The following SPMAP2L variants were observed in gnomAD, a reference collection of about 807,000 sequenced individuals.
SPMAP2L encodes the protein sperm microtubule associated protein 2 like.
the SPMAP2L span, among the ~76,000 whole-genome samples, chr4:56,605,600 C>CTTTTTT: frequency 2.6e-4 from 40 of 152,216 alleles, no homozygotes; most frequent in East Asian, 7.4e-3. Flanking sequence ...CCTAGCCTTG[C>CTTTTTT]TTTTCATGTA....
chr4:56,572,086 A>C, the SPMAP2L span, among the ~76,000 whole-genome samples: 14 of 152,208 alleles, frequency 9.2e-5, no homozygotes, highest in Non-Finnish European at 1.3e-4. Context: ...ATAACAATAA[A>C]AATACATAAA....
the SPMAP2L span, among the ~76,000 whole-genome samples, chr4:56,548,425 A>G: frequency 6.6e-6 from 1 of 152,116 alleles, no homozygotes; most frequent in East Asian, 1.9e-4. Context: ...CCTTTATCAT[A>G]TTTATTGCCA....
At chr4:56,620,379 C>G in the SPMAP2L span, among the ~76,000 whole-genome samples, 8 of 145,332 alleles carry the variant, frequency 5.5e-5, no homozygotes, top group Non-Finnish European at 7.4e-5. Context: ...AACAAAATAG[C>G]CTTCTAGTTT....
At chr4:56,597,632 C>T in the SPMAP2L span, among the ~76,000 whole-genome samples, 3 of 152,054 alleles carry the variant, frequency 2.0e-5, no homozygotes, top group Non-Finnish European at 4.4e-5. Context: ...TGACTTTATT[C>T]TCAGTTTTTT....
At chr4:56,560,812 C>G in the SPMAP2L span, among the ~76,000 whole-genome samples, 1 of 152,136 alleles carries the variant, frequency 6.6e-6, no homozygotes, top group Non-Finnish European at 1.5e-5. Context: ...GTGGCCTGAT[C>G]TCGGCTTACT....
the SPMAP2L span, among the ~76,000 whole-genome samples, chr4:56,607,596 T>G: frequency 6.6e-6 from 1 of 152,240 alleles, no homozygotes; most frequent in Non-Finnish European, 1.5e-5. Context: ...AATGGAGCAT[T>G]AAGGGCGATT....
the SPMAP2L span, among the ~76,000 whole-genome samples, chr4:56,562,089 G>A: frequency 6.6e-6 from 1 of 152,064 alleles, no homozygotes; most frequent in Non-Finnish European, 1.5e-5. Context: ...ATAGCACGGG[G>A]GCAAAGGCAA....
At chr4:56,538,446 A>T in the SPMAP2L span, among the ~76,000 whole-genome samples, 1 of 152,146 alleles carries the variant, frequency 6.6e-6, no homozygotes, top group South Asian at 2.1e-4. Flanking sequence ...CATGCTACCT[A>T]AAGCAGCCTT....
the SPMAP2L span, among the ~76,000 whole-genome samples, chr4:56,562,174 C>T: frequency 1.3e-5 from 2 of 151,906 alleles, no homozygotes; most frequent in Non-Finnish European, 2.9e-5. Flanking sequence ...AAAGTAATAA[C>T]CAAGAAGCCT....
chr4:56,550,685 G>A, the SPMAP2L span, among the ~76,000 whole-genome samples: 7 of 152,076 alleles, frequency 4.6e-5, no homozygotes, highest in African/African-American at 9.7e-5. Flanking sequence ...AAAGTTTTTC[G>A]TTATTGTTAT....
chr4:56,573,311 T>C, the SPMAP2L span, among the ~76,000 whole-genome samples: 1 of 152,220 alleles, frequency 6.6e-6, no homozygotes, highest in African/African-American at 2.4e-5. Context: ...TGTAGAACAC[T>C]TATGTACTTC....
At chr4:56,595,374 G>T in the SPMAP2L span, 11 of 1,604,022 alleles carry the variant, frequency 6.9e-6, no homozygotes, top group East Asian at 2.5e-4. Flanking sequence ...TCATGGTTGA[G>T]CCCACTGAGT....
the SPMAP2L span, among the ~76,000 whole-genome samples, chr4:56,543,973 TGAGAGAGAGAGAGAGAGA>T: frequency 7.9e-6 from 1 of 127,190 alleles, no homozygotes; most frequent in Admixed American, 8.1e-5. Flanking sequence ...TGTGTGTATG[TGAGAGAGAGAGAGAGAGA>T]GAGAGAGAGA....
At chr4:56,561,299 G>T in the SPMAP2L span, among the ~76,000 whole-genome samples, 1 of 152,040 alleles carries the variant, frequency 6.6e-6, no homozygotes. Context: ...CATTATGTTT[G>T]GTGGCATGTT....
the SPMAP2L span, among the ~76,000 whole-genome samples, chr4:56,568,499 A>G: frequency 6.6e-6 from 1 of 152,132 alleles, no homozygotes; most frequent in Non-Finnish European, 1.5e-5. Context: ...CTTTATTGTG[A>G]TTAATTCACT....
the SPMAP2L span, among the ~76,000 whole-genome samples, chr4:56,536,954 G>C: frequency 6.6e-6 from 1 of 152,118 alleles, no homozygotes; most frequent in Admixed American, 6.6e-5. Flanking sequence ...AGTAGAGACA[G>C]GGTTTCACCA....
chr4:56,601,903 GA>G, the SPMAP2L span, among the ~76,000 whole-genome samples: 5 of 152,126 alleles, frequency 3.3e-5, 1 homozygote, highest in Middle Eastern at 6.8e-3. Flanking sequence ...ATTTGTGTAA[GA>G]AAAAAAGACA....
chr4:56,557,174 G>T, the SPMAP2L span, among the ~76,000 whole-genome samples: 1 of 151,774 alleles, frequency 6.6e-6, no homozygotes. Flanking sequence ...GCTTAAGCCT[G>T]GGAGGCTGAG....
At chr4:56,549,158 T>C in the SPMAP2L span, among the ~76,000 whole-genome samples, 1 of 152,010 alleles carries the variant, frequency 6.6e-6, no homozygotes, top group Admixed American at 6.6e-5. Context: ...CCAGCTAATT[T>C]TTGTATTTTT....
Sources: gnomAD v4.1 joint callset for allele counts (sites outside exome capture counted in the v4.1 genomes callset) on GRCh38, gnomAD v4.1.1 for gene constraint, MANE v1.5 for transcripts, NCBI Gene and HGNC (gene_info 2026-07-23, HGNC 2026-07-21) for gene names.